Variants in HMSD observed in about 807,000 individuals in gnomAD.
HMSD encodes the protein histocompatibility minor serpin domain containing.
A neutral mutation model predicts 10.0 loss-of-function variants in HMSD; 13 were observed. The ratio of observed to expected loss-of-function variants is 1.31; its 90% CI spans 0.85 to 2.08. The LOEUF (loss-of-function observed/expected upper bound fraction) is 2.08. HMSD is among the 30% of genes most tolerant of loss of function. The pLI, the probability that HMSD is intolerant of heterozygous loss-of-function variation, is 0.00. For missense variants in HMSD, 169 were observed against 166.3 expected (o/e 1.02, Z -0.09); for synonymous variants, 51 against 54.2 (o/e 0.94, Z 0.26).
chr18:63,951,648 AG>A (rs1378425825), intron 1 of HMSD, among the ~76,000 whole-genome samples: 1 of 152,248 alleles, frequency 6.6e-6, no homozygotes, highest in African/African-American at 2.4e-5. Flanking sequence ...GTGTAAAAAA[AG>A]CAATGCATCC....
At chr18:63,957,995 G>A (rs564714268) in intron 3 of HMSD, among the ~76,000 whole-genome samples, 101 of 152,244 alleles carry the variant, frequency 6.6e-4, no homozygotes, top group African/African-American at 2.3e-3. Flanking sequence ...TCACCTAGGC[G>A]TGCAAGAAGT....
In HMSD at chr18:63,954,395, A is replaced by G; in HGVS notation, c.73-13A>G. 1.3e-6 allele frequency: 2 copies of G among 1,598,036 alleles called. No homozygotes were observed. The highest frequency in any genetic ancestry group is 1.7e-6 in the Non-Finnish European group (2 of 1,166,942). The stretch of plus-strand genomic sequence containing the variant: ...ACTGAGAATGTGTATGTTTATTATT[A>G]TTTTATTTTCAGGCACTTTGTTTTA... On this transcript the variant is annotated splice_polypyrimidine_tract_variant and intron_variant, in intron 2 of 3. Transcript: ENST00000408945.
chr18:63,954,264 ACT>A, intron 2 of HMSD, 142 bp from the exon 3 acceptor site: 1 of 626,876 alleles, frequency 1.6e-6, no homozygotes. Context: ...CTTTTGAGAC[ACT>A]CTCTATCTTT....
At chr18:63,954,384 T>C (rs2050346550) in intron 2 of HMSD, 24 bp from the exon 3 acceptor site, 1 of 1,564,490 alleles carries the variant, frequency 6.4e-7, no homozygotes, top group Admixed American at 1.7e-5. Flanking sequence ...AGAATGTGTA[T>C]GTTTATTATT....
chr18:63,962,930 G>C (rs2144765280), downstream of HMSD, among the ~76,000 whole-genome samples: 1 of 152,136 alleles, frequency 6.6e-6, no homozygotes, highest in Non-Finnish European at 1.5e-5. Flanking sequence ...ACGTTGATCT[G>C]ATACTCACAG....
chr18:63,951,425 A>T (rs2050329816), intron 1 of HMSD, among the ~76,000 whole-genome samples: 1 of 152,194 alleles, frequency 6.6e-6, no homozygotes, highest in African/African-American at 2.4e-5. Context: ...CTTACAGACT[A>T]AATAAACCTG....
In HMSD at chr18:63,953,467, A is replaced by T. The variant is rs768274769; in HGVS notation, c.12A>T (p.Ser4=). Residue 4 remains serine, a synonymous_variant, in exon 2 of 4, where the codon TCA becomes TCT. Coordinates refer to ENST00000408945, the MANE Select transcript of HMSD (RefSeq NM_001123366.2). ...TTATTTTTTTCCCCATGAGCATATC[A>T]TCAGCCTTGGCCATGGTTTTCATGG... MSI[S]SALAMVFMGA... 1 of 1,613,988 alleles carries T rather than the reference A, an allele frequency of 6.2e-7. No individual in the cohort carries two copies. The highest frequency in any genetic ancestry group is 2.2e-5 in the East Asian group (1 of 44,878).
intron 1 of HMSD, among the ~76,000 whole-genome samples, chr18:63,952,277 A>G (rs1015081352): frequency 9.6e-5 from 14 of 145,244 alleles, no homozygotes; most frequent in Middle Eastern, 6.8e-3. Context: ...CTAAAACTTA[A>G]AGTATAATAA....
chr18:63,965,599 C>T (rs1490365586), downstream of HMSD, among the ~76,000 whole-genome samples: 1 of 152,188 alleles, frequency 6.6e-6, no homozygotes, highest in Non-Finnish European at 1.5e-5. Flanking sequence ...ATGCTTTTCA[C>T]ATTAAGGTCC....
chr18:63,967,350 T>A (rs1338409406), intron 3 of HMSD, among the ~76,000 whole-genome samples: 1 of 152,178 alleles, frequency 6.6e-6, no homozygotes, highest in South Asian at 2.1e-4. Context: ...GCCAGGCTGG[T>A]CTGGAACTCC....
At chr18:63,955,858 G>A (rs140869772) in intron 3 of HMSD, among the ~76,000 whole-genome samples, 1 of 152,362 alleles carries the variant, frequency 6.6e-6, no homozygotes, top group East Asian at 1.9e-4. Flanking sequence ...AATGGGGAAG[G>A]ATGAGTGAAT....
chr18:63,965,802 A>G (rs2050407003), downstream of HMSD, among the ~76,000 whole-genome samples: 1 of 152,206 alleles, frequency 6.6e-6, no homozygotes, highest in South Asian at 2.1e-4. Flanking sequence ...ATTCTGCAGA[A>G]TATACAAGAG....
intron 3 of HMSD, among the ~76,000 whole-genome samples, chr18:63,958,315 C>A (rs1328311232): frequency 6.6e-6 from 1 of 152,140 alleles, no homozygotes; most frequent in Non-Finnish European, 1.5e-5. Flanking sequence ...GAAGGTCACA[C>A]AACTAGTAAG....
At chr18:63,951,529 G>C (rs902226474) in intron 1 of HMSD, among the ~76,000 whole-genome samples, 8 of 152,228 alleles carry the variant, frequency 5.3e-5, no homozygotes, top group Non-Finnish European at 1.2e-4. Flanking sequence ...TACTGAAAGA[G>C]CTTGAGTGAT....
chr18:63,959,134 C>A (rs72943564), intron 3 of HMSD, among the ~76,000 whole-genome samples: 1 of 152,150 alleles, frequency 6.6e-6, no homozygotes, highest in South Asian at 2.1e-4. Context: ...CTACCTTGGC[C>A]GGTTAGGAAT....
chr18:63,954,394 T>G lies in HMSD; in HGVS notation c.73-14T>G. 6.3e-7 allele frequency: 1 copy of G among 1,595,486 alleles called. No homozygotes were observed. Among genetic ancestry groups the G allele is most frequent in the Non-Finnish European group, 8.6e-7 (1 of 1,164,468 alleles). ...TACTGAGAATGTGTATGTTTATTAT[T>G]ATTTTATTTTCAGGCACTTTGTTTT... On this transcript the variant is annotated splice_polypyrimidine_tract_variant and intron_variant, in intron 2 of 3. Transcript: ENST00000408945.
chr18:63,950,548 C>T (rs779092145), intron 1 of HMSD, among the ~76,000 whole-genome samples: 1 of 151,382 alleles, frequency 6.6e-6, no homozygotes, highest in Non-Finnish European at 1.5e-5. Context: ...TGACTATAGG[C>T]ACCTAGGTTG....
intron 3 of HMSD, among the ~76,000 whole-genome samples, chr18:63,956,992 T>G (rs1278452191): frequency 2.6e-5 from 4 of 152,110 alleles, no homozygotes; most frequent in African/African-American, 9.7e-5. Flanking sequence ...AAATACCACA[T>G]GTTCTCACTT....
chr18:63,956,554 A>G (rs1047046494), intron 3 of HMSD, among the ~76,000 whole-genome samples: 4 of 152,196 alleles, frequency 2.6e-5, no homozygotes, highest in African/African-American at 9.7e-5. Flanking sequence ...ACCATTCAGA[A>G]TGGCTGTTAT....
Sources: allele counts gnomAD v4.1 joint callset (sites outside exome capture counted in the v4.1 genomes callset), GRCh38; gene constraint gnomAD v4.1.1; transcripts MANE v1.5; gene names NCBI Gene and HGNC (gene_info 2026-07-23, HGNC 2026-07-21).